The following STRBP variants were observed in gnomAD, a reference collection of about 807,000 sequenced individuals.
The protein encoded by STRBP is spermatid perinuclear RNA-binding protein.
STRBP carries 13 observed loss-of-function variants against 80.1 expected under a neutral mutation model. The ratio of observed to expected loss-of-function variants is 0.16; its 90% CI spans 0.11 to 0.26. The LOEUF is 0.26. Among genes scored for constraint, STRBP ranks in the 10% least tolerant of loss-of-function variants. The pLI, the probability that STRBP is intolerant of heterozygous loss-of-function variation, is 1.00. For synonymous variants in STRBP, 284 were observed against 291.2 expected (o/e 0.98, Z 0.25); for missense variants, 485 against 815.2 (o/e 0.59, Z 4.93).
intron 2 of STRBP, among the ~76,000 whole-genome samples, chr9:123,192,523 T>A (rs1003073320): frequency 6.6e-6 from 1 of 152,038 alleles, no homozygotes. Flanking sequence ...TCATTTGAGC[T>A]CAGGGGAGGG....
intron 2 of STRBP, among the ~76,000 whole-genome samples, chr9:123,197,472 G>A (rs187043499): frequency 6.6e-6 from 1 of 152,074 alleles, no homozygotes; most frequent in East Asian, 1.9e-4. Context: ...TACCTAATGT[G>A]TAGTTTTTTG....
In STRBP at chr9:123,146,888, G is replaced by T; in HGVS notation, c.1305C>A (p.Ser435=). 1 of 1,612,996 alleles carries T rather than the reference G, an allele frequency of 6.2e-7. No individual in the cohort carries two copies. Residue 435 remains serine (S), a synonymous_variant, in exon 13 of 19, where the codon TCC becomes TCA. Transcript: ENST00000348403. ...CTACGTGAAGTTTTGCTGTTTTCTT[G>T]GATGGTCCTGAGGCTTCATATGTTG... ...DGTTYEASGP[S]KKTAKLHVAV...
intron 1 of STRBP, among the ~76,000 whole-genome samples, chr9:123,257,940 T>G (rs1251145926): frequency 6.6e-6 from 1 of 151,952 alleles, no homozygotes; most frequent in Non-Finnish European, 1.5e-5. Context: ...TCTTTGTATA[T>G]CCCCATGCAA....
Position 123,136,286 on chromosome 9 carries a change from A to G in STRBP, c.1632+95T>C. On this transcript the variant is annotated intron_variant, in intron 15 of 18. Transcript: ENST00000348403. The surrounding 1 kb of genome is among the most constrained non-coding windows in gnomAD (Gnocchi z 4.2). The stretch of plus-strand genomic sequence containing the variant: ...AAAACACCAAAAATCAAATAGTGCC[A>G]CAAGAACTGACTCAGTCTAAAACTT... 1.3e-6 allele frequency: 2 copies of G among 1,596,184 alleles called. No homozygotes were observed. The highest frequency in any genetic ancestry group is 1.7e-4 in the Middle Eastern group (1 of 5,944).
chr9:123,162,805 G>A (rs182929774), intron 6 of STRBP, among the ~76,000 whole-genome samples: 69 of 152,254 alleles, frequency 4.5e-4, no homozygotes, highest in Middle Eastern at 6.8e-3. Context: ...ATAAACAAAT[G>A]TACCACGGGT....
At chr9:123,248,027 A>G (rs1333269335) in intron 1 of STRBP, among the ~76,000 whole-genome samples, 1 of 152,216 alleles carries the variant, frequency 6.6e-6, no homozygotes, top group Non-Finnish European at 1.5e-5. Flanking sequence ...AGGTATACAC[A>G]AGGTGCTTTA....
At chr9:123,137,592 G>C (rs958167772) in intron 14 of STRBP, among the ~76,000 whole-genome samples, 1 of 152,046 alleles carries the variant, frequency 6.6e-6, no homozygotes, top group Admixed American at 6.5e-5. Flanking sequence ...ATTTTTAGTA[G>C]AGACAGGGTA....
At chr9:123,129,779 TGAA>T (rs2036057415) in intron 17 of STRBP, among the ~76,000 whole-genome samples, 1 of 152,218 alleles carries the variant, frequency 6.6e-6, no homozygotes, top group South Asian at 2.1e-4. Flanking sequence ...AAATGTATGC[TGAA>T]GAAGTAAACT....
chr9:123,121,122 G>GGACTGGATCGCACTCAA (rs1481175546), downstream of STRBP, among the ~76,000 whole-genome samples: 6 of 152,138 alleles, frequency 3.9e-5, no homozygotes, highest in African/African-American at 7.2e-5. Context: ...ATCGCACTCA[G>GGACTGGATCGCACTCAA]TACTAGTCAG....
At chr9:123,254,179 T>C (rs1400866167) in intron 1 of STRBP, among the ~76,000 whole-genome samples, 1 of 152,100 alleles carries the variant, frequency 6.6e-6, no homozygotes, top group Admixed American at 6.5e-5. Flanking sequence ...TGGTACACAT[T>C]TCTAAACAGC....
chr9:123,225,025 A>G (rs2040190907), intron 2 of STRBP, among the ~76,000 whole-genome samples: 1 of 152,244 alleles, frequency 6.6e-6, no homozygotes, highest in Non-Finnish European at 1.5e-5. Context: ...GAAATCAACA[A>G]AAAATGAAGT....
intron 17 of STRBP, among the ~76,000 whole-genome samples, chr9:123,131,273 TA>T (rs2036126331): frequency 6.6e-6 from 1 of 152,212 alleles, no homozygotes; most frequent in Non-Finnish European, 1.5e-5. Context: ...ACTATTCTCC[TA>T]AGAACCCATC....
At chr9:123,240,555 A>G (rs894801109) in intron 1 of STRBP, among the ~76,000 whole-genome samples, 1 of 152,252 alleles carries the variant, frequency 6.6e-6, no homozygotes, top group East Asian at 1.9e-4. Flanking sequence ...CACAAAATTC[A>G]GGTTTCAGAG....
chr9:123,252,017 T>C (rs892888923), intron 1 of STRBP, among the ~76,000 whole-genome samples: 2 of 151,510 alleles, frequency 1.3e-5, no homozygotes, highest in Non-Finnish European at 1.5e-5. Flanking sequence ...TTAGCTTGCA[T>C]AGCACCATCT....
At chr9:123,199,515 T>A (rs1219959733) in intron 2 of STRBP, among the ~76,000 whole-genome samples, 4 of 152,250 alleles carry the variant, frequency 2.6e-5, no homozygotes, top group African/African-American at 9.6e-5. Flanking sequence ...TCCATGGGCA[T>A]AGGATGTGTT....
chr9:123,264,471 A>C (rs1285332960), intron 1 of STRBP, among the ~76,000 whole-genome samples: 4 of 152,260 alleles, frequency 2.6e-5, no homozygotes, highest in Non-Finnish European at 5.9e-5. Flanking sequence ...CGAAGTACTA[A>C]CATTTGACCA....
At chr9:123,244,965 T>A (rs1350658972) in intron 1 of STRBP, among the ~76,000 whole-genome samples, 1 of 152,164 alleles carries the variant, frequency 6.6e-6, no homozygotes, top group Non-Finnish European at 1.5e-5. Flanking sequence ...GAATACTACT[T>A]AACTATAAAA....
At chr9:123,140,592 T>TA (rs2036548863) in intron 13 of STRBP, among the ~76,000 whole-genome samples, 1 of 151,834 alleles carries the variant, frequency 6.6e-6, no homozygotes, top group Admixed American at 6.6e-5. Context: ...AGACTCTGTC[T>TA]CAAAAAAACA....
Position 123,147,857 on chromosome 9 carries a change from T to C in STRBP, c.1059A>G (p.Ser353=), listed in dbSNP as rs1385547820. 2 of 1,612,170 alleles carry C rather than the reference T, an allele frequency of 1.2e-6. No homozygotes were observed. The highest frequency in any genetic ancestry group is 1.7e-4 in the Middle Eastern group (1 of 6,054). The change falls in exon 12 of 19, where the codon TCA becomes TCG. Residue 353 remains serine, a synonymous_variant. Transcript: ENST00000348403. ...CATCTTCAAATGGCCTCTTTAGAGCTGAAGACCCAGCACCTAAAAAAAATT... is the reference window on the plus strand; with the variant it reads ...CATCTTCAAATGGCCTCTTTAGAGCCGAAGACCCAGCACCTAAAAAAAATT... ...SVTDKEGAGS[S]ALKRPFEDGL...
Sources: allele counts gnomAD v4.1 joint callset (sites outside exome capture counted in the v4.1 genomes callset), GRCh38; gene constraint gnomAD v4.1.1; non-coding constraint Gnocchi (gnomAD v3.1); transcripts MANE v1.5; gene names NCBI Gene and HGNC (gene_info 2026-07-23, HGNC 2026-07-21).